CCSER1: variants seen among roughly 807,000 people sequenced by gnomAD.
CCSER1 encodes the protein serine-rich coiled-coil domain-containing protein 1.
Under a neutral mutation model 82.0 loss-of-function variants are expected in CCSER1, and 41 were observed. The ratio of observed to expected loss-of-function variants is 0.50; its 90% CI spans 0.39 to 0.65. The LOEUF is 0.65. Ranked by LOEUF, CCSER1 falls within the 30% of genes least tolerant of loss-of-function variation. The pLI is 0.00. For missense variants in CCSER1, 1,119 were observed against 1,064.2 expected (o/e 1.05, Z -0.72); for synonymous variants, 414 against 383.9 (o/e 1.08, Z -0.92).
intron 8 of CCSER1, among the ~76,000 whole-genome samples, chr4:90,880,750 C>T (rs938692168): frequency 3.9e-5 from 6 of 152,056 alleles, no homozygotes; most frequent in Non-Finnish European, 7.4e-5. Flanking sequence ...ATGCTGGGGG[C>T]CCACTTCAGT....
At chr4:91,595,067 C>A (rs1261251581) in intron 10 of CCSER1, among the ~76,000 whole-genome samples, 1 of 151,260 alleles carries the variant, frequency 6.6e-6, no homozygotes, top group Non-Finnish European at 1.5e-5. Context: ...AAAGCAAAAC[C>A]AAAAAAACCT....
chr4:90,301,394 G>A (rs969232780), intron 1 of CCSER1, among the ~76,000 whole-genome samples: 1 of 152,032 alleles, frequency 6.6e-6, no homozygotes, highest in Non-Finnish European at 1.5e-5. Context: ...CTTTCTGGAA[G>A]CCTTTTGTTA....
At chr4:90,503,428 A>G (rs965118852) in intron 5 of CCSER1, among the ~76,000 whole-genome samples, 3 of 152,184 alleles carry the variant, frequency 2.0e-5, no homozygotes, top group Non-Finnish European at 4.4e-5. Context: ...TTTTTTAATT[A>G]TACTTTAAGT....
At position 90,878,263 on chromosome 4, in the gene CCSER1, C is replaced by T. The variant is rs1472123025; in HGVS notation, c.2095-45107C>T. On this transcript the variant is annotated intron_variant, in intron 8 of 10. Transcript: ENST00000509176. The stretch of plus-strand genomic sequence containing the variant: ...AAATCCTACTCCATAACCATGAGCC[C>T]CTGTCCTTGTAATTCTTCTAAAGCC... 3.3e-5 allele frequency among the ~76,000 whole-genome samples: 5 copies of T among 152,104 alleles called. No individual in the cohort carries two copies. The East Asian group carries it at 9.6e-4, about 29-fold the overall frequency.
At chr4:91,488,652 T>C (rs1328238873) in intron 10 of CCSER1, among the ~76,000 whole-genome samples, 1 of 152,174 alleles carries the variant, frequency 6.6e-6, no homozygotes, top group African/African-American at 2.4e-5. Flanking sequence ...AGCCATGCAG[T>C]ATGTGCCTGC....
chr4:90,207,374 A>G (rs562706082), intron 1 of CCSER1, among the ~76,000 whole-genome samples: 1 of 152,180 alleles, frequency 6.6e-6, no homozygotes, highest in South Asian at 2.1e-4. Context: ...TAAACTGGTT[A>G]TTCTAGTTAG....
At chr4:91,324,116 A>G (rs538365695) in intron 10 of CCSER1, among the ~76,000 whole-genome samples, 2 of 152,270 alleles carry the variant, frequency 1.3e-5, no homozygotes, top group Admixed American at 6.5e-5. Flanking sequence ...TTACTTTACA[A>G]TGGAAACAAT....
intron 1 of CCSER1, among the ~76,000 whole-genome samples, chr4:90,236,887 T>G (rs564912944): frequency 2.0e-4 from 31 of 152,290 alleles, no homozygotes; most frequent in Non-Finnish European, 4.0e-4. Context: ...TGTGTATATT[T>G]AGCACGCATT....
chr4:91,149,380 C>T (rs1305626103), intron 10 of CCSER1, among the ~76,000 whole-genome samples: 1 of 152,036 alleles, frequency 6.6e-6, no homozygotes, highest in Non-Finnish European at 1.5e-5. Context: ...GGAAATTAGC[C>T]CTTTGTCAGA....
At chr4:91,231,460 G>GT (rs1715986694) in intron 10 of CCSER1, among the ~76,000 whole-genome samples, 2 of 151,764 alleles carry the variant, frequency 1.3e-5, no homozygotes, top group South Asian at 4.1e-4. Flanking sequence ...GAGAGGTGTG[G>GT]TGGGGGAATT....
chr4:90,879,967 T>A (rs1488282132), intron 8 of CCSER1, among the ~76,000 whole-genome samples: 1 of 152,194 alleles, frequency 6.6e-6, no homozygotes, highest in Non-Finnish European at 1.5e-5. Flanking sequence ...ATTTTTTGTC[T>A]CTGGTTTTGG....
chr4:90,583,226 G>A (rs935934733), intron 5 of CCSER1, among the ~76,000 whole-genome samples: 1 of 152,094 alleles, frequency 6.6e-6, no homozygotes, highest in Non-Finnish European at 1.5e-5. Context: ...GAGTGCAATA[G>A]CACTATCTAG....
At chr4:90,271,860 ATATTTTTTTTTTTTTTTT>A (rs1726543473) in intron 1 of CCSER1, among the ~76,000 whole-genome samples, 1 of 22,240 alleles carries the variant, frequency 4.5e-5, no homozygotes, top group African/African-American at 4.7e-4. Context: ...ATATATATAT[ATATTTTTTTTTTTTTTTT>A]TTTTTTTTTT....
chr4:90,876,145 G>A (rs1288211982), intron 8 of CCSER1, among the ~76,000 whole-genome samples: 1 of 151,848 alleles, frequency 6.6e-6, no homozygotes, highest in Non-Finnish European at 1.5e-5. Context: ...CCTCTCTCCA[G>A]GAAAGTTTTT....
chr4:91,370,066 T>G lies in CCSER1; in HGVS notation c.2218-228506T>G, dbSNP rs115161805. The stretch of plus-strand genomic sequence containing the variant: ...TGTGGTTTCTTAAAATTGATACTAG[T>G]CTATTTAACCATGTAGACCTTGTGC... On this transcript the variant is annotated intron_variant, in intron 10 of 10. Coordinates refer to ENST00000509176, the MANE Select transcript of CCSER1 (RefSeq NM_001145065.2). Among the ~76,000 whole-genome samples, 935 of 151,692 alleles carry G rather than the reference T, an allele frequency of 6.2e-3. 14 individuals carry two copies. Among genetic ancestry groups the G allele is most frequent in the African/African-American group, 0.021 (873 of 41,104 alleles).
At chr4:91,185,468 G>A (rs538662861) in intron 10 of CCSER1, among the ~76,000 whole-genome samples, 2 of 152,314 alleles carry the variant, frequency 1.3e-5, no homozygotes, top group South Asian at 2.1e-4. Flanking sequence ...GGGACCTTTT[G>A]TGGGGGTTCC....
At position 91,464,114 on chromosome 4, in the gene CCSER1, G is replaced by A. The variant is rs141787324; in HGVS notation, c.2218-134458G>A. Among the ~76,000 whole-genome samples, 1,480 of 152,306 alleles carry A rather than the reference G, an allele frequency of 9.7e-3. 9 individuals are homozygous for A. The highest frequency in any genetic ancestry group is 0.02 in the Middle Eastern group (6 of 294). The stretch of plus-strand genomic sequence containing the variant: ...AAGGGCAGCCAGTGAGAAAGGTCAC[G>A]TTACCCACATAGGGAAGCCCATCAA... On this transcript the variant is annotated intron_variant, in intron 10 of 10. Coordinates refer to ENST00000509176, the MANE Select transcript of CCSER1 (RefSeq NM_001145065.2).
At chr4:90,907,710 T>C (rs1231360204) in intron 8 of CCSER1, among the ~76,000 whole-genome samples, 2 of 152,098 alleles carry the variant, frequency 1.3e-5, no homozygotes. Context: ...TTGTTTAATA[T>C]CCTCACTTTT....
chr4:91,044,495 G>A (rs1346043356), intron 9 of CCSER1, among the ~76,000 whole-genome samples: 2 of 152,102 alleles, frequency 1.3e-5, no homozygotes, highest in Non-Finnish European at 2.9e-5. Context: ...TGACCTACAT[G>A]ATCCTGCAGT....
Sources: allele counts gnomAD v4.1 joint callset (sites outside exome capture counted in the v4.1 genomes callset), GRCh38; gene constraint gnomAD v4.1.1; transcripts MANE v1.5; gene names NCBI Gene and HGNC (gene_info 2026-07-23, HGNC 2026-07-21).